The following EVI5 variants were observed in gnomAD, a reference collection of about 807,000 sequenced individuals.
The protein encoded by EVI5 is ecotropic viral integration site 5 protein homolog.
A neutral mutation model predicts 112.0 loss-of-function variants in EVI5; 73 were observed. The observed-to-expected ratio is 0.65, with a 90% CI of 0.54 to 0.79. The LOEUF (loss-of-function observed/expected upper bound fraction) is 0.79. EVI5 is among the 30% of genes least tolerant of loss of function. The pLI is 0.00. For synonymous variants in EVI5, 305 were observed against 319.9 expected (o/e 0.95, Z 0.50); for missense variants, 900 against 968.8 (o/e 0.93, Z 0.94).
intron 16 of EVI5, among the ~76,000 whole-genome samples, chr1:92,622,736 T>C (rs1462360300): frequency 6.6e-6 from 1 of 152,200 alleles, no homozygotes; most frequent in African/African-American, 2.4e-5. Flanking sequence ...CCAGTGCCTA[T>C]TACCATCCTG....
At chr1:92,694,257 T>C (rs1482888479) in intron 8 of EVI5, 42 bp downstream of exon 8, 1 of 1,226,206 alleles carries the variant, frequency 8.2e-7, no homozygotes, top group Non-Finnish European at 1.2e-6. Context: ...AGAACTAAAC[T>C]CTGTCTCAAA....
chr1:92,523,040 T>C (rs918490287), intron 19 of EVI5, among the ~76,000 whole-genome samples: 1 of 152,134 alleles, frequency 6.6e-6, no homozygotes, highest in Admixed American at 6.5e-5. Flanking sequence ...ATTACCGTCA[T>C]GAGCCACTGA....
At chr1:92,730,013 C>CA (rs147295581) in intron 2 of EVI5, among the ~76,000 whole-genome samples, 3,630 of 151,832 alleles carry the variant, frequency 0.024, 170 homozygotes, top group African/African-American at 0.083. Context: ...TCAGTAGAGG[C>CA]AAAAAAAGCA....
At chr1:92,720,361 A>G (rs1412874322) in intron 2 of EVI5, among the ~76,000 whole-genome samples, 1 of 152,034 alleles carries the variant, frequency 6.6e-6, no homozygotes, top group East Asian at 1.9e-4. Context: ...GAGGCCTCAG[A>G]AATAACACCG....
intron 10 of EVI5, among the ~76,000 whole-genome samples, chr1:92,673,840 G>A (rs565794329): frequency 6.6e-6 from 1 of 152,168 alleles, no homozygotes; most frequent in East Asian, 1.9e-4. Flanking sequence ...TCTTAACCGG[G>A]GGCTCACTGA....
At chr1:92,783,481 CTTAAAAAA>C (rs1274424654) in intron 1 of EVI5, among the ~76,000 whole-genome samples, 14 of 14,124 alleles carry the variant, frequency 9.9e-4, no homozygotes, top group East Asian at 7.0e-3. Flanking sequence ...GAGACTCAGC[CTTAAAAAA>C]AAAAAAAAAA....
At chr1:92,691,234 G>A (rs938383510) in intron 9 of EVI5, among the ~76,000 whole-genome samples, 1 of 152,148 alleles carries the variant, frequency 6.6e-6, no homozygotes, top group South Asian at 2.1e-4. Context: ...CTGTTAAGTG[G>A]TGGAAGCAAT....
At chr1:92,597,656 A>T (rs1648209950) in intron 18 of EVI5, among the ~76,000 whole-genome samples, 1 of 152,260 alleles carries the variant, frequency 6.6e-6, no homozygotes, top group Non-Finnish European at 1.5e-5. Context: ...CAACATCAGA[A>T]GATGAATGAA....
intron 9 of EVI5, among the ~76,000 whole-genome samples, chr1:92,682,351 C>T (rs1667731454): frequency 6.6e-6 from 1 of 152,124 alleles, no homozygotes; most frequent in Admixed American, 6.6e-5. Context: ...TTCTTCATGG[C>T]ACGTTCACTG....
Position 92,603,114 on chromosome 1 carries a change from A to G in EVI5, c.2070+2193T>C, listed in dbSNP as rs534115133. On this transcript the variant is annotated intron_variant, in intron 18 of 19. Transcript: ENST00000684568. ...GAAAGTATGCCCAACATAGCTCATC[A>G]TTAGGGAAATGCAAATCAAAACCAC... Among the ~76,000 whole-genome samples the G allele has an allele frequency of 7.9e-5, 12 of 152,338 alleles. No homozygotes were observed. The South Asian group carries it at 2.1e-3, about 26-fold the overall frequency.
intron 9 of EVI5, among the ~76,000 whole-genome samples, chr1:92,685,567 G>A (rs1475814513): frequency 6.6e-6 from 1 of 152,102 alleles, no homozygotes; most frequent in African/African-American, 2.4e-5. Context: ...CAGAACTGAA[G>A]GAAATAGAGA....
At chr1:92,782,037 G>T (rs757166691) in intron 1 of EVI5, among the ~76,000 whole-genome samples, 1 of 148,646 alleles carries the variant, frequency 6.7e-6, no homozygotes, top group Non-Finnish European at 1.5e-5. Flanking sequence ...GAGGTGGATG[G>T]ATCATGAGGT....
At chr1:92,548,041 C>CA (rs1354501861) in intron 19 of EVI5, among the ~76,000 whole-genome samples, 1 of 151,968 alleles carries the variant, frequency 6.6e-6, no homozygotes, top group Admixed American at 6.6e-5. Flanking sequence ...AGAGACACAA[C>CA]AAAAAAAGAA....
At chr1:92,721,721 C>CAT (rs1674782805) in intron 2 of EVI5, among the ~76,000 whole-genome samples, 1 of 152,042 alleles carries the variant, frequency 6.6e-6, no homozygotes, top group Admixed American at 6.6e-5. Flanking sequence ...TAGTTGTCAA[C>CAT]ATATATATTA....
rs770316787 is a variant in EVI5, at chr1:92,607,606, C to T, written c.1949G>A (p.Arg650His). 2.8e-5 allele frequency: 44 copies of T among 1,592,160 alleles called. No individual in the cohort carries two copies. Among genetic ancestry groups the T allele is most frequent in the Admixed American group, 9.1e-5 (5 of 54,914 alleles). Residue 650 changes from arginine (R) to histidine (H), a missense_variant, in exon 17 of 20, where the codon CGT (arginine) becomes CAT (histidine). Arg to His is a conservative substitution (Grantham distance 29). Coordinates refer to ENST00000684568, the MANE Select transcript of EVI5 (RefSeq NM_001350197.2). ...GLLTQLSEAK[R>H]KQAEIECKNK... ...CTTGCATTCAATCTCTGCTTGTTTA[C>T]GCTTTGCTTCACTTAATTGAGTAAG...
At chr1:92,784,694 C>G (rs1685381385) in intron 1 of EVI5, 142 bp downstream of exon 1, 1 of 507,160 alleles carries the variant, frequency 2.0e-6, no homozygotes, top group African/African-American at 2.1e-5. Flanking sequence ...CTGGCGGGGC[C>G]AGGCGCGCCC....
intron 1 of EVI5, among the ~76,000 whole-genome samples, chr1:92,762,477 G>A (rs1229923827): frequency 6.6e-6 from 1 of 152,166 alleles, no homozygotes; most frequent in Non-Finnish European, 1.5e-5. Flanking sequence ...AAATGATAGA[G>A]CCAAGATACT....
chr1:92,584,649 A>G (rs1302886346), intron 18 of EVI5, among the ~76,000 whole-genome samples: 5 of 152,234 alleles, frequency 3.3e-5, no homozygotes, highest in African/African-American at 1.2e-4. Context: ...AAACTTCTAA[A>G]AACAAATCAT....
chr1:92,654,579 A>G (rs1302067447), intron 13 of EVI5, among the ~76,000 whole-genome samples: 1 of 152,260 alleles, frequency 6.6e-6, no homozygotes, highest in African/African-American at 2.4e-5. Flanking sequence ...AAGTTTCTCC[A>G]TATGAGAAGG....
Sources: gnomAD v4.1 joint callset for allele counts (sites outside exome capture counted in the v4.1 genomes callset) on GRCh38, gnomAD v4.1.1 for gene constraint, MANE v1.5 for transcripts, NCBI Gene and HGNC (gene_info 2026-07-23, HGNC 2026-07-21) for gene names.